Variants in ADARB2 observed in about 807,000 individuals in gnomAD.
The protein encoded by ADARB2 is adenosine deaminase RNA specific B2 (inactive).
ADARB2 carries 25 observed loss-of-function variants against 62.2 expected under a neutral mutation model. The observed-to-expected ratio is 0.40, with a 90% CI of 0.29 to 0.56. The LOEUF (loss-of-function observed/expected upper bound fraction) is 0.56. Ranked by LOEUF, ADARB2 falls within the 20% of genes least tolerant of loss-of-function variation. The probability of loss-of-function intolerance (pLI) is 0.43; values close to 1 mark genes in which losing one functional copy is unlikely to be tolerated. For missense variants in ADARB2, 1,071 were observed against 1,077.4 expected (o/e 0.99, Z 0.08); for synonymous variants, 572 against 500.8 (o/e 1.14, Z -1.90).
At chr10:1,712,689 A>G (rs566314176) in intron 1 of ADARB2, among the ~76,000 whole-genome samples, 52 of 132,748 alleles carry the variant, frequency 3.9e-4, no homozygotes, top group African/African-American at 1.4e-3. Flanking sequence ...GTTCACTGCA[A>G]GCTCTGCCTC....
chr10:1,558,889 G>A (rs1382137009), intron 1 of ADARB2, among the ~76,000 whole-genome samples: 3 of 152,244 alleles, frequency 2.0e-5, no homozygotes, highest in African/African-American at 4.8e-5. Flanking sequence ...TAACATGCAT[G>A]TGTTTCTGTT....
intron 4 of ADARB2, among the ~76,000 whole-genome samples, chr10:1,263,172 C>G (rs1173767620): frequency 6.6e-6 from 1 of 151,506 alleles, no homozygotes; most frequent in Admixed American, 6.6e-5. Context: ...AGGAGATATA[C>G]CTAATGCTAA....
intron 1 of ADARB2, among the ~76,000 whole-genome samples, chr10:1,484,186 G>T (rs1037329818): frequency 6.6e-6 from 1 of 152,172 alleles, no homozygotes; most frequent in Admixed American, 6.5e-5. Flanking sequence ...TCTCTCTTCT[G>T]CAGACTTTAT....
intron 3 of ADARB2, among the ~76,000 whole-genome samples, chr10:1,362,276 C>T (rs920240180): frequency 6.6e-6 from 1 of 152,248 alleles, no homozygotes; most frequent in Non-Finnish European, 1.5e-5. Context: ...CTCTTGGGCC[C>T]CTGTGCTCAG....
chr10:1,450,060 A>T (rs1831018295), intron 1 of ADARB2, among the ~76,000 whole-genome samples: 1 of 152,172 alleles, frequency 6.6e-6, no homozygotes, highest in African/African-American at 2.4e-5. Flanking sequence ...TGACGCTTGA[A>T]GGTGGCCACC....
intron 8 of ADARB2, among the ~76,000 whole-genome samples, chr10:1,189,280 C>T (rs1422727951): frequency 1.3e-5 from 2 of 152,020 alleles, no homozygotes; most frequent in Non-Finnish European, 1.5e-5. Context: ...CACCAGTTTC[C>T]CAGGTGCCGT....
chr10:1,472,352 C>T (rs149515633), intron 1 of ADARB2, among the ~76,000 whole-genome samples: 14 of 151,896 alleles, frequency 9.2e-5, no homozygotes, highest in African/African-American at 2.9e-4. Flanking sequence ...CCAGGTGTGA[C>T]GAGCTCTGTG....
chr10:1,504,432 G>A (rs1395861863), intron 1 of ADARB2, among the ~76,000 whole-genome samples: 4 of 152,070 alleles, frequency 2.6e-5, no homozygotes, highest in Non-Finnish European at 5.9e-5. Flanking sequence ...GAGTGTGTCT[G>A]AGTACACGTC....
intron 6 of ADARB2, among the ~76,000 whole-genome samples, chr10:1,230,642 C>G (rs12264419): frequency 0.035 from 5,284 of 152,222 alleles, 306 homozygotes; most frequent in African/African-American, 0.12. Flanking sequence ...GGATGCAGAG[C>G]CAGCTCTCTG....
rs963678723 is a variant in ADARB2, at chr10:1,704,828, T to A, written c.100+32223A>T. On this transcript the variant is annotated intron_variant, in intron 1 of 9. Coordinates refer to ENST00000381312, the MANE Select transcript of ADARB2 (RefSeq NM_018702.4). The surrounding 1 kb of genome is among the most constrained non-coding windows in gnomAD (Gnocchi z 5.6). ...AAGGGGCAGGGAGTATTGAGAACGG[T>A]GAGCTTGCATATGCCAGCCTGAGCC... 4.6e-5 allele frequency among the ~76,000 whole-genome samples: 7 copies of A among 152,128 alleles called. No individual in the cohort carries two copies. The highest frequency in any genetic ancestry group is 1.0e-4 in the Non-Finnish European group (7 of 68,026).
At chr10:1,560,799 G>C (rs1056219305) in intron 1 of ADARB2, among the ~76,000 whole-genome samples, 1 of 152,252 alleles carries the variant, frequency 6.6e-6, no homozygotes, top group South Asian at 2.1e-4. Context: ...CCGAGCCCCA[G>C]ACTGGGCAGC....
intron 1 of ADARB2, among the ~76,000 whole-genome samples, chr10:1,727,765 C>T (rs1471592806): frequency 2.6e-5 from 4 of 152,068 alleles, no homozygotes; most frequent in Admixed American, 2.0e-4. Context: ...GCCTCTGTAT[C>T]TCCATAAACA....
At chr10:1,341,179 G>A (rs910313014) in intron 3 of ADARB2, among the ~76,000 whole-genome samples, 14 of 151,350 alleles carry the variant, frequency 9.3e-5, no homozygotes, top group Non-Finnish European at 1.9e-4. Flanking sequence ...AGAACCATGT[G>A]CCCCACAGCG....
intron 3 of ADARB2, among the ~76,000 whole-genome samples, chr10:1,339,836 A>G (rs577561550): frequency 6.6e-6 from 1 of 152,218 alleles, no homozygotes; most frequent in African/African-American, 2.4e-5. Flanking sequence ...TCCCAACAAT[A>G]TGACACAGAA....
chr10:1,199,851 A>T, intron 8 of ADARB2, 115 bp downstream of exon 8: 1 of 1,160,436 alleles, frequency 8.6e-7, no homozygotes, highest in Non-Finnish European at 1.2e-6. Flanking sequence ...ATTAAATCCT[A>T]AATTGCCACT....
At chr10:1,574,664 G>GT (rs1832986362) in intron 1 of ADARB2, among the ~76,000 whole-genome samples, 1 of 152,142 alleles carries the variant, frequency 6.6e-6, no homozygotes, top group African/African-American at 2.4e-5. Flanking sequence ...GTGTCCTAAC[G>GT]TCTGCTTTTA....
At chr10:1,725,255 G>T (rs1448343053) in intron 1 of ADARB2, among the ~76,000 whole-genome samples, 2 of 152,124 alleles carry the variant, frequency 1.3e-5, no homozygotes, top group Non-Finnish European at 2.9e-5. Context: ...TGAGTAAAGG[G>T]GCACGTCCCT....
intron 1 of ADARB2, among the ~76,000 whole-genome samples, chr10:1,541,641 C>T (rs1167051820): frequency 7.7e-5 from 3 of 39,206 alleles, no homozygotes; most frequent in South Asian, 3.4e-3. Flanking sequence ...CCCACTCAGA[C>T]GCAGTTCGGA....
intron 1 of ADARB2, among the ~76,000 whole-genome samples, chr10:1,539,901 C>T (rs1038917696): frequency 7.2e-5 from 11 of 152,290 alleles, no homozygotes; most frequent in South Asian, 2.1e-4. Flanking sequence ...TCGGAAGTAG[C>T]TATGTTTAGA....
Sources: gnomAD v4.1 joint callset for allele counts (sites outside exome capture counted in the v4.1 genomes callset) on GRCh38, gnomAD v4.1.1 for gene constraint, Gnocchi (gnomAD v3.1) non-coding constraint, MANE v1.5 for transcripts, NCBI Gene and HGNC (gene_info 2026-07-23, HGNC 2026-07-21) for gene names.